RARB: variants seen among roughly 807,000 people sequenced by gnomAD.
RARB encodes retinoic acid receptor beta.
Under a neutral mutation model 51.9 loss-of-function variants are expected in RARB, and 17 were observed. The observed-to-expected ratio is 0.33, with a 90% CI of 0.22 to 0.49. The LOEUF (loss-of-function observed/expected upper bound fraction) is 0.49. Ranked by LOEUF, RARB falls within the 20% of genes least tolerant of loss-of-function variation. The pLI, the probability that RARB is intolerant of heterozygous loss-of-function variation, is 0.99. For missense variants in RARB, 369 were observed against 550.8 expected (o/e 0.67, Z 3.30); for synonymous variants, 215 against 195.4 (o/e 1.10, Z -0.84).
At chr3:25,413,988 A>G (rs1707635701) in intron 5 of RARB, among the ~76,000 whole-genome samples, 1 of 152,168 alleles carries the variant, frequency 6.6e-6, no homozygotes, top group Non-Finnish European at 1.5e-5. Flanking sequence ...CCATTACCAT[A>G]ATCAAGATAT....
At chr3:25,368,512 A>G (rs763416377) in intron 5 of RARB, among the ~76,000 whole-genome samples, 1 of 152,206 alleles carries the variant, frequency 6.6e-6, no homozygotes, top group Non-Finnish European at 1.5e-5. Flanking sequence ...GCACACACAT[A>G]CTTTCATTAA....
At chr3:25,209,659 A>G (rs945586519) in intron 5 of RARB, among the ~76,000 whole-genome samples, 1 of 152,216 alleles carries the variant, frequency 6.6e-6, no homozygotes, top group Non-Finnish European at 1.5e-5. Flanking sequence ...GGTTGTGCAG[A>G]GCAGACCTCA....
intron 5 of RARB, among the ~76,000 whole-genome samples, chr3:25,227,256 A>G (rs933686555): frequency 2.0e-5 from 3 of 152,214 alleles, no homozygotes; most frequent in Non-Finnish European, 4.4e-5. Context: ...AATGTTTTCA[A>G]AAGAATATGT....
intron 5 of RARB, among the ~76,000 whole-genome samples, chr3:25,587,804 C>G (rs551618133): frequency 1.3e-5 from 2 of 152,362 alleles, no homozygotes; most frequent in South Asian, 2.1e-4. Context: ...CGAATCAGAT[C>G]AGGATCTGCC....
intron 3 of RARB, among the ~76,000 whole-genome samples, chr3:25,061,752 TTAA>T (rs1410648683): frequency 2.6e-5 from 4 of 151,834 alleles, no homozygotes; most frequent in African/African-American, 9.7e-5. Flanking sequence ...TAGTTAAGTG[TTAA>T]TAATGACTAT....
intron 2 of RARB, among the ~76,000 whole-genome samples, chr3:24,919,312 C>T (rs1235140746): frequency 1.3e-5 from 2 of 152,272 alleles, no homozygotes; most frequent in Non-Finnish European, 1.5e-5. Context: ...CCTAAAGCTG[C>T]CTCTTTACGT....
At chr3:25,098,633 C>G (rs1699344988) in intron 3 of RARB, among the ~76,000 whole-genome samples, 1 of 152,138 alleles carries the variant, frequency 6.6e-6, no homozygotes, top group Admixed American at 6.5e-5. Context: ...TTATTAGACA[C>G]AGCTATGATC....
In RARB at chr3:25,523,415, A is replaced by G. The variant is rs146271781; in HGVS notation, c.448+22092A>G. Among the ~76,000 whole-genome samples, 610 of 152,326 alleles carry G rather than the reference A, an allele frequency of 4.0e-3. 4 individuals carry two copies. The highest frequency in any genetic ancestry group is 0.014 in the African/African-American group (581 of 41,576). On this transcript the variant is annotated intron_variant, in intron 3 of 7. Transcript: ENST00000330688. ...TTTTGGCAGCTGTCATACGAGGAAA[A>G]CAAGGGAGATACGGAAATTCCTTTT...
intron 3 of RARB, among the ~76,000 whole-genome samples, chr3:25,532,086 T>G (rs1356641646): frequency 2.0e-5 from 3 of 152,180 alleles, no homozygotes; most frequent in Non-Finnish European, 4.4e-5. Context: ...TTATTTTATT[T>G]TGTGTCAATT....
chr3:25,030,122 A>G (rs1189531475), intron 2 of RARB, among the ~76,000 whole-genome samples: 1 of 152,230 alleles, frequency 6.6e-6, no homozygotes, highest in African/African-American at 2.4e-5. Flanking sequence ...TTGCTAGTCA[A>G]TACCTTTTCT....
intron 2 of RARB, among the ~76,000 whole-genome samples, chr3:24,955,608 A>G (rs1410193193): frequency 2.0e-5 from 3 of 152,168 alleles, no homozygotes; most frequent in Admixed American, 2.0e-4. Flanking sequence ...TTAATAGGAG[A>G]AAAGGCATAT....
chr3:25,447,346 C>T (rs1708992839), intron 1 of RARB, among the ~76,000 whole-genome samples: 1 of 152,190 alleles, frequency 6.6e-6, no homozygotes, highest in Admixed American at 6.5e-5. Context: ...CCACTCATGA[C>T]AGCCTCTGAC....
At chr3:24,841,632 A>G (rs1225689885) in intron 1 of RARB, among the ~76,000 whole-genome samples, 1 of 152,220 alleles carries the variant, frequency 6.6e-6, no homozygotes, top group Non-Finnish European at 1.5e-5. Context: ...CAGAAGGCAA[A>G]TTCATTACAT....
At chr3:25,527,181 G>T (rs1043769720) in intron 3 of RARB, among the ~76,000 whole-genome samples, 4 of 152,182 alleles carry the variant, frequency 2.6e-5, no homozygotes, top group Non-Finnish European at 5.9e-5. Flanking sequence ...CTCCTACATC[G>T]TGCTGATCCT....
At chr3:24,841,342 T>A (rs1559368834) in intron 1 of RARB, among the ~76,000 whole-genome samples, 1 of 152,210 alleles carries the variant, frequency 6.6e-6, no homozygotes, top group Non-Finnish European at 1.5e-5. Context: ...AACCCTGCTC[T>A]TCAGTCACAG....
intron 5 of RARB, among the ~76,000 whole-genome samples, chr3:25,231,763 C>A (rs1043784365): frequency 6.6e-6 from 1 of 152,054 alleles, no homozygotes; most frequent in African/African-American, 2.4e-5. Context: ...AATTGGGTTG[C>A]CTCCTTTCTT....
Position 25,246,525 on chromosome 3 carries a change from T to C in RARB, c.178+71950T>C, listed in dbSNP as rs1167955475. On this transcript the variant is annotated intron_variant, in intron 5 of 11. Coordinates refer to the RARB transcript ENST00000383772. ...TTTGCATGGTTGTCCTTTTTGTTGA[T>C]ATTGTTGCTATTCCTTTCTGTTTGT... is the stretch of plus-strand genomic sequence containing the variant. Among the ~76,000 whole-genome samples, 4 of 152,164 alleles carry C rather than the reference T, an allele frequency of 2.6e-5. No homozygotes were observed. The East Asian group carries it at 7.7e-4, about 29-fold the overall frequency.
At chr3:25,176,609 T>C (rs1305603854) in intron 5 of RARB, among the ~76,000 whole-genome samples, 1 of 151,578 alleles carries the variant, frequency 6.6e-6, no homozygotes. Context: ...TTGGCCAGAA[T>C]AGTCTCGATC....
chr3:25,337,345 A>C (rs1705094137), intron 5 of RARB, among the ~76,000 whole-genome samples: 1 of 152,292 alleles, frequency 6.6e-6, no homozygotes, highest in African/African-American at 2.4e-5. Context: ...AATCACAACC[A>C]TTATAGTTAA....
Sources: allele counts gnomAD v4.1 joint callset (sites outside exome capture counted in the v4.1 genomes callset), GRCh38; gene constraint gnomAD v4.1.1; transcripts MANE v1.5; gene names NCBI Gene and HGNC (gene_info 2026-07-23, HGNC 2026-07-21).